The following TANGO6 variants were observed in gnomAD, a reference collection of about 807,000 sequenced individuals.
The protein encoded by TANGO6 is transport and Golgi organization protein 6 homolog.
A neutral mutation model predicts 114.2 loss-of-function variants in TANGO6; 90 were observed. That is an observed-to-expected ratio of 0.79 (90% CI 0.66 to 0.94). The LOEUF is 0.94. Among genes scored for constraint, TANGO6 ranks in the 40% least tolerant of loss-of-function variants. The pLI, the probability that TANGO6 is intolerant of heterozygous loss-of-function variation, is 0.00. For synonymous variants in TANGO6, 477 were observed against 509.8 expected, an observed-to-expected ratio of 0.94 and a Z score of 0.87; for missense variants, 1,274 against 1,315.3, an observed-to-expected ratio of 0.97 and a Z score of 0.49.
chr16:69,042,582 TG>T (rs1024889968), intron 17 of TANGO6, among the ~76,000 whole-genome samples: 1 of 152,124 alleles, frequency 6.6e-6, no homozygotes, highest in African/African-American at 2.4e-5. Context: ...GGGACAGACT[TG>T]CTCATTAACT....
intron 14 of TANGO6, among the ~76,000 whole-genome samples, chr16:68,951,624 T>C (rs1162854993): frequency 6.6e-6 from 1 of 150,934 alleles, no homozygotes; most frequent in African/African-American, 2.4e-5. Context: ...TTTTTTTTTT[T>C]TTTTTTGAGA....
chr16:68,951,591 CACA>C (rs1428222410), intron 14 of TANGO6, among the ~76,000 whole-genome samples: 2 of 151,426 alleles, frequency 1.3e-5, no homozygotes, highest in Non-Finnish European at 2.9e-5. Flanking sequence ...TCACCTTTGT[CACA>C]ACACCATGGC....
chr16:69,020,809 A>T (rs1095705), intron 15 of TANGO6, among the ~76,000 whole-genome samples: 62,149 of 151,704 alleles, frequency 0.41, 13,695 homozygotes, highest in East Asian at 0.53. Context: ...AGGTGAGAGG[A>T]TCACTTGAGC....
chr16:68,863,825 T>TGTA (rs986874508), intron 3 of TANGO6, among the ~76,000 whole-genome samples: 1 of 152,222 alleles, frequency 6.6e-6, no homozygotes, highest in Non-Finnish European at 1.5e-5. Context: ...GTTTCAAACA[T>TGTA]GTAGTAGTAT....
intron 15 of TANGO6, among the ~76,000 whole-genome samples, chr16:68,989,038 A>T (rs1963923373): frequency 6.6e-6 from 1 of 152,048 alleles, no homozygotes; most frequent in Non-Finnish European, 1.5e-5. Flanking sequence ...TAATTTTTGT[A>T]TATTTTGTGG....
chr16:68,998,470 G>A (rs1964012291), intron 15 of TANGO6, among the ~76,000 whole-genome samples: 1 of 152,132 alleles, frequency 6.6e-6, no homozygotes, highest in African/African-American at 2.4e-5. Context: ...GGTGGCTCAT[G>A]CCTGTAATCC....
At position 69,001,951 on chromosome 16, in the gene TANGO6, C is replaced by G. The variant is rs1167625164; in HGVS notation, c.2843-20877C>G. Among the ~76,000 whole-genome samples, 3 of 152,198 alleles carry G rather than the reference C, an allele frequency of 2.0e-5. No individual in the cohort carries two copies. In the East Asian group the frequency reaches 5.8e-4, roughly 29 times the overall value. On this transcript the variant is annotated intron_variant, in intron 15 of 17. Coordinates refer to ENST00000261778, the MANE Select transcript of TANGO6 (RefSeq NM_024562.2). ...ATATGTCCTACCTAGCTGTTATACA[C>G]CAAGGCTAAAAGTTCTCTCATAATG... is the stretch of plus-strand genomic sequence containing the variant.
chr16:68,927,927 G>A lies in TANGO6; in HGVS notation c.2487G>A (p.Gln829=). Residue 829 remains glutamine (Q), a synonymous_variant, in exon 13 of 18, where the codon CAG becomes CAA. Coordinates refer to ENST00000261778, the MANE Select transcript of TANGO6 (RefSeq NM_024562.2). ...GVNEPSTTTS[Q]KSGSVTTEQL... ...ATGAGCCCAGCACTACTACAAGTCAGAAATCTGGAAGCGTAACCACAGAAC... is the reference window on the plus strand; with the variant it reads ...ATGAGCCCAGCACTACTACAAGTCAAAAATCTGGAAGCGTAACCACAGAAC... 2 of 1,613,920 alleles carry A rather than the reference G, an allele frequency of 1.2e-6. No homozygotes were observed. Among genetic ancestry groups the A allele is most frequent in the Non-Finnish European group, 1.7e-6 (2 of 1,179,848 alleles).
intron 15 of TANGO6, among the ~76,000 whole-genome samples, chr16:68,979,784 G>A (rs1391131942): frequency 6.6e-6 from 1 of 151,592 alleles, no homozygotes; most frequent in Non-Finnish European, 1.5e-5. Context: ...GTGCATGTGT[G>A]TGTGAGAATT....
At chr16:68,996,477 G>GA (rs1567555534) in intron 15 of TANGO6, among the ~76,000 whole-genome samples, 2 of 152,068 alleles carry the variant, frequency 1.3e-5, no homozygotes, top group Admixed American at 1.3e-4. Flanking sequence ...GAAATGCAGG[G>GA]AAAAAAGAGT....
intron 14 of TANGO6, among the ~76,000 whole-genome samples, chr16:68,947,584 T>C (rs943407230): frequency 6.8e-6 from 1 of 147,470 alleles, no homozygotes; most frequent in African/African-American, 2.5e-5. Context: ...TTATAACCCA[T>C]CTCTTTTTTT....
chr16:68,948,459 A>G (rs536502534), intron 14 of TANGO6, among the ~76,000 whole-genome samples: 1 of 152,328 alleles, frequency 6.6e-6, no homozygotes, highest in South Asian at 2.1e-4. Context: ...ATACCTCATG[A>G]CAACATCAGG....
intron 14 of TANGO6, among the ~76,000 whole-genome samples, chr16:68,943,220 T>C (rs1177274556): frequency 6.6e-6 from 1 of 150,926 alleles, no homozygotes; most frequent in African/African-American, 2.4e-5. Flanking sequence ...TTTATATTCT[T>C]ATTTTTATTT....
chr16:69,027,438 T>A (rs1431030534), intron 16 of TANGO6, among the ~76,000 whole-genome samples: 1 of 152,190 alleles, frequency 6.6e-6, no homozygotes, highest in Non-Finnish European at 1.5e-5. Flanking sequence ...TATCTTCTTT[T>A]TTTTTTAGTA....
intron 14 of TANGO6, among the ~76,000 whole-genome samples, chr16:68,952,113 C>T (rs550462566): frequency 6.6e-6 from 1 of 152,274 alleles, no homozygotes; most frequent in East Asian, 1.9e-4. Flanking sequence ...GGTAAAGAGT[C>T]AGTTGCTTAA....
At chr16:69,036,362 A>T (rs1959687009) in intron 16 of TANGO6, among the ~76,000 whole-genome samples, 1 of 152,130 alleles carries the variant, frequency 6.6e-6, no homozygotes, top group South Asian at 2.1e-4. Flanking sequence ...TTATATTTAG[A>T]TGATATCCGT....
intron 16 of TANGO6, chr16:69,026,398 T>A (rs1959502890): frequency 6.1e-6 from 1 of 165,032 alleles, no homozygotes; most frequent in Admixed American, 6.1e-5. Context: ...CTAGAAAGTG[T>A]TTTGCAGCCA....
rs191092814 is a variant in TANGO6 at position 68,994,900 on chromosome 16, A to G, written c.2842+20732A>G. 5.8e-3 allele frequency among the ~76,000 whole-genome samples: 886 copies of G among 152,216 alleles called. 11 individuals are homozygous for G. The highest frequency in any genetic ancestry group is 4.5e-3 in the Non-Finnish European group (303 of 68,016). On this transcript the variant is annotated intron_variant, in intron 15 of 17. Transcript: ENST00000261778. The stretch of plus-strand genomic sequence containing the variant: ...GCACCCAGCTTATTTTGTATTTTCA[A>G]TAAGGAGACTATTTAATGCAAAGGA...
chr16:68,986,051 TGGAA>T (rs2152216568), intron 15 of TANGO6, among the ~76,000 whole-genome samples: 1 of 152,306 alleles, frequency 6.6e-6, no homozygotes, highest in Non-Finnish European at 1.5e-5. Context: ...TTTGCTTCCC[TGGAA>T]GAGCAACTCA....
Sources: allele counts gnomAD v4.1 joint callset (sites outside exome capture counted in the v4.1 genomes callset), GRCh38; gene constraint gnomAD v4.1.1; transcripts MANE v1.5; gene names NCBI Gene and HGNC (gene_info 2026-07-23, HGNC 2026-07-21).